DCLK1: variants seen among roughly 807,000 people sequenced by gnomAD.
The protein encoded by DCLK1 is doublecortin like kinase 1, also known as serine/threonine-protein kinase DCLK1.
DCLK1 carries 16 observed loss-of-function variants against 86.2 expected under a neutral mutation model. The observed-to-expected ratio is 0.19, with a 90% CI of 0.13 to 0.28. The LOEUF is 0.28. DCLK1 is among the 10% of genes least tolerant of loss of function. DCLK1 has a pLI of 1.00. For missense variants in DCLK1, 590 were observed against 940.2 expected (o/e 0.63, Z 4.87); for synonymous variants, 369 against 370.5 (o/e 1.00, Z 0.05).
At chr13:36,053,452 G>A (rs1233572735) in intron 3 of DCLK1, among the ~76,000 whole-genome samples, 1 of 152,094 alleles carries the variant, frequency 6.6e-6, no homozygotes, top group Non-Finnish European at 1.5e-5. Flanking sequence ...AATTAACAGA[G>A]TCAACCAATA....
At chr13:35,947,910 T>C (rs1375673054) in intron 3 of DCLK1, among the ~76,000 whole-genome samples, 1 of 152,208 alleles carries the variant, frequency 6.6e-6, no homozygotes, top group African/African-American at 2.4e-5. Flanking sequence ...GAACATCACC[T>C]CCTTTAAACC....
intron 4 of DCLK1, among the ~76,000 whole-genome samples, chr13:35,919,188 G>A (rs747613802): frequency 2.6e-5 from 4 of 151,898 alleles, no homozygotes; most frequent in Admixed American, 6.6e-5. Flanking sequence ...CACCACACTC[G>A]GCCCCCAAGA....
intron 4 of DCLK1, among the ~76,000 whole-genome samples, chr13:35,892,636 T>A (rs1873715300): frequency 6.6e-6 from 1 of 152,148 alleles, no homozygotes; most frequent in African/African-American, 2.4e-5. Flanking sequence ...TCAGAAATGG[T>A]CCAGTATATA....
intron 3 of DCLK1, among the ~76,000 whole-genome samples, chr13:36,094,868 G>A (rs1427126319): frequency 6.6e-6 from 1 of 152,206 alleles, no homozygotes; most frequent in African/African-American, 2.4e-5. Flanking sequence ...GAAGGCTCAA[G>A]TGATGGGGAA....
intron 4 of DCLK1, among the ~76,000 whole-genome samples, chr13:35,883,756 C>T (rs2153117138): frequency 6.6e-6 from 1 of 152,238 alleles, no homozygotes; most frequent in East Asian, 1.9e-4. Flanking sequence ...AAAACAATGA[C>T]TTGGAGATGA....
chr13:35,981,665 A>G (rs751279227), intron 3 of DCLK1, among the ~76,000 whole-genome samples: 15 of 152,228 alleles, frequency 9.9e-5, no homozygotes, highest in Non-Finnish European at 2.1e-4. Context: ...TGTATTATAT[A>G]TCACATTTTA....
At chr13:36,028,449 G>C (rs746381935) in intron 3 of DCLK1, among the ~76,000 whole-genome samples, 1 of 152,120 alleles carries the variant, frequency 6.6e-6, no homozygotes, top group African/African-American at 2.4e-5. Flanking sequence ...GACCTCTCCA[G>C]CTTCATATGA....
intron 3 of DCLK1, among the ~76,000 whole-genome samples, chr13:36,091,925 G>C (rs1172812022): frequency 6.6e-6 from 1 of 152,068 alleles, no homozygotes; most frequent in African/African-American, 2.4e-5. Context: ...TCATCATTCT[G>C]GACAAATTGT....
At chr13:35,875,566 C>A (rs571258511) in intron 4 of DCLK1, among the ~76,000 whole-genome samples, 1 of 152,176 alleles carries the variant, frequency 6.6e-6, no homozygotes, top group South Asian at 2.1e-4. Flanking sequence ...CTCTTCTTAT[C>A]AGAAGAAATG....
At position 35,769,109 on chromosome 13, in the gene DCLK1, T is replaced by A. The variant is rs2086282791; in HGVS notation, c.*5426A>T. 1.3e-5 allele frequency: 2 copies of A among 152,192 alleles called. No individual in the cohort carries two copies. The highest frequency in any genetic ancestry group is 6.5e-5 in the Admixed American group (1 of 15,280). The allele number at this position is 152,192 out of a possible 1,614,324, so 9.4% of individuals were successfully genotyped here. A position where few individuals can be genotyped will look rare whatever the true frequency, so the allele number is the denominator to read the frequency against. On this transcript the variant is annotated 3_prime_UTR_variant, in exon 17 of 17. Coordinates refer to ENST00000360631, the MANE Select transcript of DCLK1 (RefSeq NM_001330071.2). ...CAGATGATTTCATTCCACATTAACC[T>A]ACATGTATCAGCTTAAACTGAAGGA...
intron 4 of DCLK1, among the ~76,000 whole-genome samples, chr13:35,875,717 C>A (rs1446540994): frequency 6.6e-6 from 1 of 152,110 alleles, no homozygotes; most frequent in Admixed American, 6.6e-5. Context: ...AGTCCGTCTC[C>A]CCACTCCCAT....
intron 3 of DCLK1, among the ~76,000 whole-genome samples, chr13:36,045,374 A>ATATATT (rs1882869183): frequency 8.0e-6 from 1 of 124,788 alleles, no homozygotes; most frequent in African/African-American, 2.9e-5. Flanking sequence ...ATATATATAT[A>ATATATT]TATTTCAAGG....
chr13:36,020,814 C>T (rs905909203), intron 3 of DCLK1, among the ~76,000 whole-genome samples: 2 of 151,968 alleles, frequency 1.3e-5, no homozygotes, highest in Non-Finnish European at 2.9e-5. Flanking sequence ...AAACCCCAAA[C>T]AGAGAAAATC....
chr13:35,998,517 A>C (rs1880573192), intron 3 of DCLK1, among the ~76,000 whole-genome samples: 1 of 152,018 alleles, frequency 6.6e-6, no homozygotes, highest in Admixed American at 6.5e-5. Flanking sequence ...CCTCCAATTA[A>C]GCCACTCAGA....
At chr13:36,006,885 G>A (rs1273676025) in intron 3 of DCLK1, among the ~76,000 whole-genome samples, 1 of 152,220 alleles carries the variant, frequency 6.6e-6, no homozygotes, top group East Asian at 1.9e-4. Flanking sequence ...AGATAAGAGA[G>A]TATGTATTTG....
chr13:35,793,132 A>G (rs2086737207), intron 16 of DCLK1, among the ~76,000 whole-genome samples: 1 of 152,190 alleles, frequency 6.6e-6, no homozygotes, highest in Non-Finnish European at 1.5e-5. Context: ...TAAAATTAAT[A>G]TATACTGCAA....
chr13:36,080,060 A>G (rs1884366321), intron 3 of DCLK1, among the ~76,000 whole-genome samples: 1 of 152,192 alleles, frequency 6.6e-6, no homozygotes, highest in South Asian at 2.1e-4. Flanking sequence ...AATGATGACT[A>G]TAAAAGCTTC....
At chr13:35,896,432 G>C (rs1220296896) in intron 4 of DCLK1, among the ~76,000 whole-genome samples, 1 of 151,380 alleles carries the variant, frequency 6.6e-6, no homozygotes, top group African/African-American at 2.4e-5. Context: ...CAGCTACTTG[G>C]GAGGCTGAAG....
chr13:35,946,201 G>A (rs902885991), intron 4 of DCLK1, among the ~76,000 whole-genome samples: 6 of 151,936 alleles, frequency 3.9e-5, no homozygotes, highest in East Asian at 1.9e-4. Context: ...ACAGGGTTTC[G>A]CCATGTTGCC....
Sources: gnomAD v4.1 joint callset for allele counts (sites outside exome capture counted in the v4.1 genomes callset) on GRCh38, gnomAD v4.1.1 for gene constraint, MANE v1.5 for transcripts, NCBI Gene and HGNC (gene_info 2026-07-23, HGNC 2026-07-21) for gene names.